Variants in EMILIN3 observed in about 807,000 individuals in gnomAD.
The protein encoded by EMILIN3 is EMILIN-3.
A neutral mutation model predicts 42.8 loss-of-function variants in EMILIN3; 38 were observed. The observed-to-expected ratio is 0.89, with a 90% CI of 0.69 to 1.16. The LOEUF is 1.16. Among genes scored for constraint, EMILIN3 ranks in the 50% most tolerant of loss-of-function variants. EMILIN3 has a pLI of 0.00. For missense variants in EMILIN3, 924 were observed against 999.5 expected (o/e 0.92, Z 1.02); for synonymous variants, 430 against 440.5 (o/e 0.98, Z 0.30).
In EMILIN3 at chr20:41,363,042, G is replaced by A. The variant is rs1345076937; in HGVS notation, c.527C>T (p.Pro176Leu). The A allele has an allele frequency of 7.0e-6, 11 of 1,576,240 alleles. No homozygotes were observed. Among genetic ancestry groups the A allele is most frequent in the East Asian group, 2.3e-5 (1 of 43,972 alleles). Residue 176 changes from proline to leucine, a missense_variant, in exon 4 of 4, where the codon CCA (proline) becomes CTA (leucine). Physicochemically the swap from Pro to Leu is moderately conservative, Grantham distance 98. Coordinates refer to ENST00000332312, the MANE Select transcript of EMILIN3 (RefSeq NM_052846.2). ...TTCCAGCCGCTCACCAAACAGCCCT[G>A]GGCCTTTCCTTCCTGGGAAAGAGAA... is the stretch of plus-strand genomic sequence containing the variant. ...AAPSPHGRKGPGLFGERLERL... is the reference protein window; with the variant it reads ...AAPSPHGRKGLGLFGERLERL...
chr20:41,362,344 G>C lies in EMILIN3; in HGVS notation c.1225C>G (p.Gln409Glu). The C allele has an allele frequency of 1.2e-6, 2 of 1,609,744 alleles. No individual in the cohort carries two copies. The highest frequency in any genetic ancestry group is 2.2e-5 in the South Asian group (2 of 91,072). The change falls in exon 4 of 4, where the codon CAA becomes GAA. Residue 409 changes from glutamine (Q) to glutamate (E), a missense_variant. By Grantham distance (29) the Gln-to-Glu change is conservative. Coordinates refer to ENST00000332312, the MANE Select transcript of EMILIN3 (RefSeq NM_052846.2). ...ERALQAVTET[Q>E]RGPGAPAGDE... ...CCGGCCGGGGCACCGGGGCCCCTTT[G>C]GGTCTCGGTGACTGCCTGCAGGGCC... is the stretch of plus-strand genomic sequence containing the variant.
In EMILIN3 at chr20:41,366,303, G is replaced by A. The variant is rs1407099624; in HGVS notation, c.167+165C>T. ...CAGCCCCGCAACCTCCCGGAGCGTAGGGCGCTCGCCTGGGCAGGGGCTCGG... is the reference window on the plus strand; with the variant it reads ...CAGCCCCGCAACCTCCCGGAGCGTAAGGCGCTCGCCTGGGCAGGGGCTCGG... On this transcript the variant is annotated intron_variant, in intron 1 of 3. Coordinates refer to ENST00000332312, the MANE Select transcript of EMILIN3 (RefSeq NM_052846.2). The surrounding 1 kb of genome is among the most constrained non-coding windows in gnomAD (Gnocchi z 4.2). Among the ~76,000 whole-genome samples the A allele has an allele frequency of 1.3e-5, 2 of 151,790 alleles. No individual in the cohort carries two copies. The highest frequency in any genetic ancestry group is 2.9e-5 in the Non-Finnish European group (2 of 67,868).
rs778039748 is a variant in EMILIN3 at position 41,362,777 on chromosome 20, G to A, written c.792C>T (p.Thr264=). The change falls in exon 4 of 4, where the codon ACC becomes ACT. Residue 264 remains threonine (T), a synonymous_variant. Coordinates refer to ENST00000332312, the MANE Select transcript of EMILIN3 (RefSeq NM_052846.2). ...KVTEVSNTLQ[T]KVQLLDKVHG... is the part of the protein sequence containing the mutation. ...GCACCTTGTCTAGAAGCTGCACCTT[G>A]GTCTGAAGAGTGTTGCTCACCTCTG... 6.2e-7 allele frequency: 1 copy of A among 1,614,216 alleles called. No individual in the cohort carries two copies. Among genetic ancestry groups the A allele is most frequent in the Admixed American group, 1.7e-5 (1 of 60,032 alleles).
intron 3 of EMILIN3, 142 bp downstream of exon 3, chr20:41,363,496 G>T: frequency 2.4e-6 from 2 of 816,816 alleles, no homozygotes; most frequent in Non-Finnish European, 3.7e-6. Context: ...TCAGCTTTAT[G>T]GTGGGGTGAA....
chr20:41,366,456 G>T lies in EMILIN3; in HGVS notation c.167+12C>A, dbSNP rs1365409087. On this transcript the variant is annotated intron_variant, in intron 1 of 3. Coordinates refer to ENST00000332312, the MANE Select transcript of EMILIN3 (RefSeq NM_052846.2). The surrounding 1 kb of genome is among the most constrained non-coding windows in gnomAD (Gnocchi z 4.2). ...CCCTCCCTCTTCCCGCCCGCCGCCC[G>T]CCCGCGCTTACTTGTGCGGCCCCGG... 3.6e-6 allele frequency: 4 copies of T among 1,121,230 alleles called. No individual in the cohort carries two copies. The highest frequency in any genetic ancestry group is 3.3e-5 in the African/African-American group (2 of 59,958). The allele number at this position is 1,121,230 out of a possible 1,614,324, so 69.5% of individuals were successfully genotyped here.
At chr20:41,364,365 C>T (rs929102732) in intron 2 of EMILIN3, among the ~76,000 whole-genome samples, 1 of 152,134 alleles carries the variant, frequency 6.6e-6, no homozygotes, top group Non-Finnish European at 1.5e-5. Flanking sequence ...TCCGGGACCT[C>T]GGCTCTGGTC....
At chr20:41,363,925 G>C (rs1309101027) in intron 2 of EMILIN3, 64 bp from the exon 3 acceptor site, 1 of 1,504,988 alleles carries the variant, frequency 6.6e-7, no homozygotes, top group Non-Finnish European at 9.2e-7. Context: ...CCCCCTAGCT[G>C]GCACTCAGGG....
chr20:41,365,919 C>T (rs1402665347), intron 1 of EMILIN3, among the ~76,000 whole-genome samples: 2 of 152,212 alleles, frequency 1.3e-5, no homozygotes, highest in Non-Finnish European at 2.9e-5. Flanking sequence ...CCGCTGTGGA[C>T]GGCTGTGCCA....
Position 41,366,502 on chromosome 20 carries a change from C to T in EMILIN3, c.133G>A (p.Gly45Arg), listed in dbSNP as rs1244588097. Residue 45 changes from glycine (G) to arginine (R), a missense_variant, in exon 1 of 4, where the codon GGA becomes AGA. Physicochemically the swap from Gly to Arg is moderately radical, Grantham distance 125. Coordinates refer to ENST00000332312, the MANE Select transcript of EMILIN3 (RefSeq NM_052846.2). The surrounding 1 kb of genome is among the most constrained non-coding windows in gnomAD (Gnocchi z 4.2). Reference sequence around the variant, plus strand: ...CCCGGGCGCAGCCGCGGGCGCCATCCCGTCGTGTAGAGACTGTAGCGGGAG... The same window carrying T: ...CCCGGGCGCAGCCGCGGGCGCCATCTCGTCGTGTAGAGACTGTAGCGGGAG... ...GASRYSLYTTGWRPRLRPGPH... is the reference protein window; with the variant it reads ...GASRYSLYTTRWRPRLRPGPH... 4 of 1,155,980 alleles carry T rather than the reference C, an allele frequency of 3.5e-6. No individual in the cohort carries two copies. Among genetic ancestry groups the T allele is most frequent in the East Asian group, 8.4e-5 (2 of 23,944 alleles). The allele number at this position is 1,155,980 out of a possible 1,614,324, so 71.6% of individuals were successfully genotyped here. A position where few individuals can be genotyped will look rare whatever the true frequency, so the allele number is the denominator to read the frequency against.
rs760498332 is a variant in EMILIN3, at chr20:41,361,454, C to G, written c.2115G>C (p.Leu705=). The change falls in exon 4 of 4, where the codon CTG becomes CTC. Residue 705 remains leucine (L), a synonymous_variant. Coordinates refer to ENST00000332312, the MANE Select transcript of EMILIN3 (RefSeq NM_052846.2). ...GCAAGCTGTCCAGGCCCGCGGCCAG[C>G]AGGCCCAGCCTCCTGCACGCACCCT... ...QVEGACRRLG[L]LAAGLDSLPT... is the part of the protein sequence containing the mutation. The G allele has an allele frequency of 6.2e-7, 1 of 1,605,446 alleles. No individual in the cohort carries two copies. The highest frequency in any genetic ancestry group is 1.3e-5 in the African/African-American group (1 of 74,820).
At position 41,361,652 on chromosome 20, in the gene EMILIN3, GCTGCTGAC is replaced by G; in HGVS notation, c.1909_1916del (p.Val637ProfsTer51). ...GGCCAGCCTGAAGCCTGGAGCCTTG[GCTGCTGAC>G]CTGCTCCTGGATGGCCTGGACTTCG... On this transcript the variant is annotated frameshift_variant, in exon 4 of 4. Coordinates refer to ENST00000332312, the MANE Select transcript of EMILIN3 (RefSeq NM_052846.2). LOFTEE classifies it high-confidence loss of function. The G allele has an allele frequency of 6.2e-7, 1 of 1,606,046 alleles. No homozygotes were observed. Among genetic ancestry groups the G allele is most frequent in the Non-Finnish European group, 8.5e-7 (1 of 1,175,894 alleles).
At chr20:41,364,935 C>A in intron 2 of EMILIN3, 100 bp downstream of exon 2, 1 of 1,553,880 alleles carries the variant, frequency 6.4e-7, no homozygotes, top group Admixed American at 1.8e-5. Context: ...TCTCTGGAGT[C>A]CAAGAAGCCC....
At chr20:41,365,284 T>G in intron 1 of EMILIN3, 127 bp from the exon 2 acceptor site, 2 of 1,364,280 alleles carry the variant, frequency 1.5e-6, no homozygotes, top group Non-Finnish European at 9.7e-7. Flanking sequence ...GTCTGTTCTC[T>G]GTGTCCCTGG....
rs987712201 is a variant in EMILIN3 at position 41,366,344 on chromosome 20, C to A, written c.167+124G>T. The stretch of plus-strand genomic sequence containing the variant: ...AGGGGCTCGGCCCCGGGCGCCGCCC[C>A]CTCTGTGCAGCGGCCTCGGGGTGCC... On this transcript the variant is annotated intron_variant, in intron 1 of 3. Transcript: ENST00000332312. This position sits in a 1 kb window ranked among gnomAD's most constrained non-coding sequence, Gnocchi z 4.2. 13 of 730,932 alleles carry A rather than the reference C, an allele frequency of 1.8e-5. 1 individual carries two copies. The highest frequency in any genetic ancestry group is 1.2e-3 in the Middle Eastern group (2 of 1,684). The allele number at this position is 730,932 out of a possible 1,614,324, so 45.3% of individuals were successfully genotyped here.
rs967442377 is a variant in EMILIN3 at position 41,359,991 on chromosome 20, G to A, written c.*1277C>T. ...GACCGGCTAAAAGCTTTAATCCAGA[G>A]CCTGCCCTACTCTGATAGTACCAGA... On this transcript the variant is annotated 3_prime_UTR_variant, in exon 4 of 4. Coordinates refer to ENST00000332312, the MANE Select transcript of EMILIN3 (RefSeq NM_052846.2). The A allele has an allele frequency of 1.3e-5, 2 of 152,562 alleles. No individual in the cohort carries two copies. The highest frequency in any genetic ancestry group is 4.8e-5 in the African/African-American group (2 of 41,412). The allele number at this position is 152,562 out of a possible 1,614,324, so 9.5% of individuals were successfully genotyped here.
At chr20:41,364,852 C>T (rs1298781782) in intron 2 of EMILIN3, among the ~76,000 whole-genome samples, 183 bp downstream of exon 2, 4 of 152,210 alleles carry the variant, frequency 2.6e-5, no homozygotes, top group African/African-American at 9.6e-5. Flanking sequence ...AGCCCAAATC[C>T]CTGGGGTCCT....
rs1480569041 is a variant in EMILIN3 at position 41,361,349 on chromosome 20, C to A, written c.2220G>T (p.Gln740His). The change falls in exon 4 of 4, where the codon CAG (glutamine) becomes CAT (histidine). Residue 740 changes from glutamine to histidine, a missense_variant. By Grantham distance (24) the Gln-to-His change is conservative. Coordinates refer to ENST00000332312, the MANE Select transcript of EMILIN3 (RefSeq NM_052846.2). The part of the protein sequence containing the change: ...QLNRTLAQHT[Q>H]DIARLRDDLL... ...GGTCATCCCGGAGGCGGGCAATGTC[C>A]TGCGTGTGCTGGGCCAGCGTACGAT... The A allele has an allele frequency of 6.2e-7, 1 of 1,612,818 alleles. No homozygotes were observed. The highest frequency in any genetic ancestry group is 8.5e-7 in the Non-Finnish European group (1 of 1,179,352).
In EMILIN3 at chr20:41,366,397, G is replaced by C. The variant is rs2046394014; in HGVS notation, c.167+71C>G. The C allele has an allele frequency of 9.4e-7, 1 of 1,060,332 alleles. No homozygotes were observed. The allele number at this position is 1,060,332 out of a possible 1,614,324, so 65.7% of individuals were successfully genotyped here. On this transcript the variant is annotated intron_variant, in intron 1 of 3. Coordinates refer to ENST00000332312, the MANE Select transcript of EMILIN3 (RefSeq NM_052846.2). The surrounding 1 kb of genome is among the most constrained non-coding windows in gnomAD (Gnocchi z 4.2). ...GGGCCTCGACGCCCCCCGCGGGTGC[G>C]GGCAGGTGGGAGCGGCGACGCGCGC...
chr20:41,364,280 C>T (rs1394092415), intron 2 of EMILIN3, among the ~76,000 whole-genome samples: 2 of 152,176 alleles, frequency 1.3e-5, no homozygotes, highest in African/African-American at 2.4e-5. Context: ...GCGCTGGCAG[C>T]CCCCTCACTG....
Sources: gnomAD v4.1 joint callset for allele counts (sites outside exome capture counted in the v4.1 genomes callset) on GRCh38, gnomAD v4.1.1 for gene constraint, Gnocchi (gnomAD v3.1) non-coding constraint, MANE v1.5 for transcripts, NCBI Gene and HGNC (gene_info 2026-07-23, HGNC 2026-07-21) for gene names.